The following ADPRHL1 variants were observed in gnomAD, a reference collection of about 807,000 sequenced individuals.
The protein encoded by ADPRHL1 is ADP-ribosylhydrolase like 1.
Under a neutral mutation model 44.1 loss-of-function variants are expected in ADPRHL1, and 43 were observed. That is an observed-to-expected ratio of 0.98 (90% CI 0.76 to 1.26). The LOEUF (loss-of-function observed/expected upper bound fraction) is 1.26, where lower values mean the gene tolerates loss of function less well. Ranked by LOEUF, ADPRHL1 falls within the 50% of genes most tolerant of loss-of-function variation. The probability of loss-of-function intolerance (pLI) is 0.00; values close to 1 mark genes in which losing one functional copy is unlikely to be tolerated. For synonymous variants in ADPRHL1, 878 were observed against 1,017.4 expected, an observed-to-expected ratio of 0.86 and a Z score of 2.61; for missense variants, 2,022 against 2,496.9, an observed-to-expected ratio of 0.81 and a Z score of 4.05.
intron 7 of ADPRHL1, chr13:113,422,589 T>A (rs183783712): frequency 7.8e-5 from 45 of 576,230 alleles, no homozygotes; most frequent in Non-Finnish European, 1.2e-4. Context: ...GTGCGGCAAA[T>A]CTACGCAGTG....
intron 3 of ADPRHL1, 91 bp from the exon 4 acceptor site, chr13:113,429,183 GA>G (rs1566474986): frequency 2.0e-6 from 3 of 1,506,032 alleles, no homozygotes; most frequent in Admixed American, 2.0e-5. Flanking sequence ...GACTCCCGAG[GA>G]AGGGTTTGCT....
At chr13:113,410,863 C>T (rs1667261397) in intron 7 of ADPRHL1, among the ~76,000 whole-genome samples, 1 of 152,232 alleles carries the variant, frequency 6.6e-6, no homozygotes, top group South Asian at 2.1e-4. Context: ...TACCTGCCTT[C>T]CGCCGGGCGT....
At chr13:113,414,208 A>T (rs1316005502) in intron 7 of ADPRHL1, among the ~76,000 whole-genome samples, 1 of 152,068 alleles carries the variant, frequency 6.6e-6, no homozygotes, top group East Asian at 1.9e-4. Flanking sequence ...TGCTCAGAAC[A>T]CGGACCAGCC....
intron 7 of ADPRHL1, among the ~76,000 whole-genome samples, chr13:113,408,490 G>A (rs1052295617): frequency 6.6e-6 from 1 of 152,232 alleles, no homozygotes; most frequent in Non-Finnish European, 1.5e-5. Context: ...GCATTGAGGA[G>A]TTGACATTGA....
chr13:113,425,436 T>G (rs2043961313), intron 4 of ADPRHL1, among the ~76,000 whole-genome samples: 1 of 152,206 alleles, frequency 6.6e-6, no homozygotes, highest in African/African-American at 2.4e-5. Context: ...GAAGTCTCCC[T>G]CTCGTCCCCC....
intron 1 of ADPRHL1, among the ~76,000 whole-genome samples, chr13:113,448,601 C>T (rs181712032): frequency 6.6e-6 from 1 of 152,112 alleles, no homozygotes; most frequent in East Asian, 1.9e-4. Context: ...CTGCCATGAG[C>T]TGAAGTGCCA....
intron 4 of ADPRHL1, among the ~76,000 whole-genome samples, chr13:113,426,970 T>C (rs1332886644): frequency 2.0e-5 from 3 of 152,222 alleles, no homozygotes; most frequent in Admixed American, 2.0e-4. Context: ...GATCTCTGGA[T>C]GATTTTAGAT....
At chr13:113,438,675 C>A (rs546038499) in intron 2 of ADPRHL1, among the ~76,000 whole-genome samples, 3 of 152,080 alleles carry the variant, frequency 2.0e-5, no homozygotes, top group Non-Finnish European at 1.5e-5. Context: ...GAGCGAGACT[C>A]CATCTCAAAA....
intron 3 of ADPRHL1, among the ~76,000 whole-genome samples, chr13:113,431,196 G>A (rs181044706): frequency 2.0e-5 from 3 of 152,344 alleles, no homozygotes; most frequent in Non-Finnish European, 2.9e-5. Context: ...TCTGTACACC[G>A]GGGCTGTGAC....
rs143723865 is a variant in ADPRHL1 at position 113,441,058 on chromosome 13, C to T, written c.379+3367G>A. On this transcript the variant is annotated intron_variant, in intron 2 of 7. Transcript: ENST00000612156. This position sits in a 1 kb window ranked among gnomAD's most constrained non-coding sequence, Gnocchi z 6.0. ...GTCCCAGCTACTTGGGAGGTGGAGG[C>T]AGGAGAATCAGCTGAACCCGGGAAG... is the stretch of plus-strand genomic sequence containing the variant. Among the ~76,000 whole-genome samples, 349 of 152,178 alleles carry T rather than the reference C, an allele frequency of 2.3e-3. 1 individual carries two copies. The highest frequency in any genetic ancestry group is 7.5e-3 in the African/African-American group (310 of 41,526).
chr13:113,414,127 C>G (rs1307115927), intron 7 of ADPRHL1, among the ~76,000 whole-genome samples: 2 of 152,236 alleles, frequency 1.3e-5, no homozygotes, highest in Non-Finnish European at 2.9e-5. Context: ...GCAGTTTCCT[C>G]CTCTGAGAGA....
intron 7 of ADPRHL1, among the ~76,000 whole-genome samples, chr13:113,419,563 T>C (rs1455022480): frequency 6.6e-6 from 1 of 152,040 alleles, no homozygotes; most frequent in Admixed American, 6.5e-5. Context: ...CGCTGCGCTG[T>C]AGGGAGAGAC....
At chr13:113,437,316 C>T (rs2044067844) in intron 2 of ADPRHL1, among the ~76,000 whole-genome samples, 1 of 151,426 alleles carries the variant, frequency 6.6e-6, no homozygotes, top group South Asian at 2.1e-4. Context: ...CAGGTGTACC[C>T]CATGACCCAG....
At chr13:113,421,255 A>C (rs375407122) in intron 7 of ADPRHL1, among the ~76,000 whole-genome samples, 12,177 of 16,180 alleles carry the variant, frequency 0.75, 4,538 homozygotes, top group Non-Finnish European at 0.78. Context: ...CGCCCACCCC[A>C]GGGACACGCC....
rs2043813640 is a variant in ADPRHL1 at position 113,406,969 on chromosome 13, G to A, written c.2313C>T (p.Gly771=). ...TTTCAGGGCCCTCCCCTGCACACTC[G>A]CCTGGGGGCCCAGGAGGCCACGTGA... ...ARLTWPPGPP[G]ECAGEGPEIT... is the part of the protein sequence containing the mutation. The change falls in exon 8 of 8, where the codon GGC becomes GGT. Residue 771 remains glycine, a synonymous_variant. Transcript: ENST00000612156. The A allele has an allele frequency of 1.5e-5, 19 of 1,232,176 alleles. No individual in the cohort carries two copies. Among genetic ancestry groups the A allele is most frequent in the Non-Finnish European group, 1.9e-5 (19 of 988,090 alleles). The allele number at this position is 1,232,176 out of a possible 1,614,324, so 76.3% of individuals were successfully genotyped here.
intron 2 of ADPRHL1, among the ~76,000 whole-genome samples, chr13:113,443,616 C>T (rs2044114204): frequency 6.6e-6 from 1 of 151,530 alleles, no homozygotes; most frequent in Non-Finnish European, 1.5e-5. Context: ...GAGACCCTGT[C>T]TACAAAATAA....
chr13:113,432,436 C>T (rs1440253654), intron 3 of ADPRHL1, among the ~76,000 whole-genome samples: 2 of 152,228 alleles, frequency 1.3e-5, no homozygotes, highest in Non-Finnish European at 2.9e-5. Context: ...CCAACATTTT[C>T]GGGTCTGAAG....
chr13:113,445,269 A>G (rs1008229346), intron 1 of ADPRHL1, among the ~76,000 whole-genome samples: 2 of 152,254 alleles, frequency 1.3e-5, no homozygotes, highest in African/African-American at 2.4e-5. Context: ...ATATTCCCTG[A>G]TAAGGCTCAG....
intron 2 of ADPRHL1, among the ~76,000 whole-genome samples, chr13:113,437,829 G>A (rs1014244249): frequency 6.6e-6 from 1 of 152,166 alleles, no homozygotes; most frequent in African/African-American, 2.4e-5. Flanking sequence ...GGTGATGAAT[G>A]TTTAACTTTT....
Sources: allele counts gnomAD v4.1 joint callset (sites outside exome capture counted in the v4.1 genomes callset), GRCh38; gene constraint gnomAD v4.1.1; non-coding constraint Gnocchi (gnomAD v3.1); transcripts MANE v1.5; gene names NCBI Gene and HGNC (gene_info 2026-07-23, HGNC 2026-07-21).